Variants in NCKAP5 observed in about 807,000 individuals in gnomAD.
NCKAP5 encodes the protein nck-associated protein 5.
NCKAP5 carries 92 observed loss-of-function variants against 167.0 expected under a neutral mutation model. That is an observed-to-expected ratio of 0.55 (90% CI 0.47 to 0.66). NCKAP5 has a LOEUF of 0.66. Ranked by LOEUF, NCKAP5 falls within the 30% of genes least tolerant of loss-of-function variation. NCKAP5 has a pLI of 0.00. For missense variants in NCKAP5, 2,378 were observed against 2,315.0 expected, an observed-to-expected ratio of 1.03 and a Z score of -0.56; for synonymous variants, 891 against 877.4, an observed-to-expected ratio of 1.02 and a Z score of -0.27.
intron 3 of NCKAP5, among the ~76,000 whole-genome samples, chr2:133,319,488 G>C (rs1023794565): frequency 8.6e-5 from 13 of 151,908 alleles, no homozygotes; most frequent in Admixed American, 3.9e-4. Context: ...CTCTCAAAGC[G>C]TTATGCAGCT....
At chr2:133,536,403 C>T (rs1173213115) in intron 2 of NCKAP5, among the ~76,000 whole-genome samples, 1 of 152,002 alleles carries the variant, frequency 6.6e-6, no homozygotes, top group African/African-American at 2.4e-5. Flanking sequence ...TGTCATTTCC[C>T]CATTGTATAT....
chr2:133,665,166 C>T, the NCKAP5 span, among the ~76,000 whole-genome samples: 1 of 152,208 alleles, frequency 6.6e-6, no homozygotes, highest in African/African-American at 2.4e-5. Flanking sequence ...TGGAGTAACA[C>T]TTTTAATTTT....
At chr2:133,417,415 A>G (rs866470349) in intron 3 of NCKAP5, among the ~76,000 whole-genome samples, 40 of 152,360 alleles carry the variant, frequency 2.6e-4, no homozygotes, top group South Asian at 4.1e-4. Flanking sequence ...CGCAGCCTGG[A>G]ATCGACCCCA....
chr2:133,343,875 T>C (rs972276859), intron 3 of NCKAP5, among the ~76,000 whole-genome samples: 6 of 152,152 alleles, frequency 3.9e-5, no homozygotes, highest in African/African-American at 9.7e-5. Flanking sequence ...AGTGCACCCA[T>C]CCTGGACAAT....
chr2:133,572,676 G>A (rs1688910518), upstream of NCKAP5, among the ~76,000 whole-genome samples: 1 of 152,190 alleles, frequency 6.6e-6, no homozygotes, highest in Non-Finnish European at 1.5e-5. Flanking sequence ...TTAAGAGACA[G>A]CCTGAGGCCA....
At chr2:133,238,247 G>A (rs1481927807) in intron 4 of NCKAP5, among the ~76,000 whole-genome samples, 2 of 152,088 alleles carry the variant, frequency 1.3e-5, no homozygotes, top group Non-Finnish European at 2.9e-5. Context: ...CTTTTCCCAG[G>A]TTTAGAATCT....
In NCKAP5 at chr2:133,249,525, T is replaced by C. The variant is rs999977622; in HGVS notation, c.144-35746A>G. Among the ~76,000 whole-genome samples the C allele has an allele frequency of 3.3e-5, 5 of 152,192 alleles. No homozygotes were observed. The South Asian group carries it at 8.3e-4, about 25-fold the overall frequency. On this transcript the variant is annotated intron_variant, in intron 4 of 19. Transcript: ENST00000409261. Reference sequence around the variant, plus strand: ...CCAGTAAGTTTGTGGCAAATTATTATAGCAGCAACAGGAAACCAATACACT... The same window carrying C: ...CCAGTAAGTTTGTGGCAAATTATTACAGCAGCAACAGGAAACCAATACACT...
At chr2:133,453,179 T>C (rs1449028825) in intron 3 of NCKAP5, among the ~76,000 whole-genome samples, 6 of 152,176 alleles carry the variant, frequency 3.9e-5, no homozygotes, top group South Asian at 2.1e-4. Flanking sequence ...CAATGTCTGA[T>C]AATTTTGCCC....
At chr2:133,558,765 C>T (rs929231507) in intron 2 of NCKAP5, among the ~76,000 whole-genome samples, 1 of 135,858 alleles carries the variant, frequency 7.4e-6, no homozygotes, top group East Asian at 2.6e-4. Flanking sequence ...ACTCATGACC[C>T]AGAAGCGGAT....
intron 5 of NCKAP5, among the ~76,000 whole-genome samples, chr2:133,192,457 A>T (rs933822657): frequency 1.3e-5 from 2 of 152,100 alleles, no homozygotes; most frequent in African/African-American, 4.8e-5. Context: ...TGTTAAGAGG[A>T]TGTAAATCAG....
chr2:133,357,846 G>T (rs895785959), intron 3 of NCKAP5, among the ~76,000 whole-genome samples: 1 of 152,152 alleles, frequency 6.6e-6, no homozygotes. Context: ...GGCATAAAAG[G>T]CCTGACCTAA....
chr2:133,250,671 C>T (rs1406527611), intron 4 of NCKAP5, among the ~76,000 whole-genome samples: 1 of 152,220 alleles, frequency 6.6e-6, no homozygotes, highest in Non-Finnish European at 1.5e-5. Flanking sequence ...GGGGCAATGG[C>T]TCATGCCTGT....
At chr2:133,008,994 TCTC>T (rs1442403109) in intron 6 of NCKAP5, among the ~76,000 whole-genome samples, 4 of 152,144 alleles carry the variant, frequency 2.6e-5, no homozygotes, top group Admixed American at 2.6e-4. Context: ...TTAAGTCCCA[TCTC>T]CTGTATTCCT....
chr2:133,548,282 G>T (rs1253368880), intron 2 of NCKAP5, among the ~76,000 whole-genome samples: 3 of 152,062 alleles, frequency 2.0e-5, no homozygotes, highest in Non-Finnish European at 4.4e-5. Context: ...GGGGAGAATG[G>T]AACCAAGTTG....
chr2:133,607,468 C>T, the NCKAP5 span, among the ~76,000 whole-genome samples: 19 of 152,134 alleles, frequency 1.2e-4, no homozygotes, highest in Non-Finnish European at 2.4e-4. Flanking sequence ...TTGACTCTCA[C>T]TCAAGAATCA....
chr2:133,070,309 G>A lies in NCKAP5; in HGVS notation c.341+59669C>T, dbSNP rs566165683. Among the ~76,000 whole-genome samples, 4 of 152,208 alleles carry A rather than the reference G, an allele frequency of 2.6e-5. No homozygotes were observed. In the East Asian group the frequency reaches 7.7e-4, roughly 29 times the overall value. On this transcript the variant is annotated intron_variant, in intron 6 of 19. Coordinates refer to ENST00000409261, the MANE Select transcript of NCKAP5 (RefSeq NM_207363.3). ...AGTAAATTAAAAAATGGGATGATAT[G>A]GCTAATAAGATATGCCCTGCCCAAC...
intron 6 of NCKAP5, among the ~76,000 whole-genome samples, chr2:133,097,906 G>C (rs540901776): frequency 1.3e-5 from 2 of 152,192 alleles, no homozygotes; most frequent in Non-Finnish European, 2.9e-5. Context: ...ACATCTGGGT[G>C]AGTCCTGTTA....
chr2:132,972,972 G>A (rs1464203944), intron 7 of NCKAP5, among the ~76,000 whole-genome samples: 1 of 151,868 alleles, frequency 6.6e-6, no homozygotes, highest in Non-Finnish European at 1.5e-5. Context: ...AGGTAGAAAA[G>A]TGGCAACTTG....
chr2:133,302,991 A>C, intron 4 of NCKAP5, 46 bp downstream of exon 4: 1 of 1,323,672 alleles, frequency 7.6e-7, no homozygotes, highest in East Asian at 2.4e-5. Context: ...CAAAGCTATA[A>C]AGGATGCTAC....
Sources: gnomAD v4.1 joint callset for allele counts (sites outside exome capture counted in the v4.1 genomes callset) on GRCh38, gnomAD v4.1.1 for gene constraint, MANE v1.5 for transcripts, NCBI Gene and HGNC (gene_info 2026-07-23, HGNC 2026-07-21) for gene names.